The following EZR variants were observed in gnomAD, a reference collection of about 807,000 sequenced individuals.
The protein encoded by EZR is ezrin.
In EZR, 40 loss-of-function variants were observed where a neutral mutation model predicts 74.8. The ratio of observed to expected loss-of-function variants is 0.53; its 90% CI spans 0.42 to 0.70. The LOEUF (loss-of-function observed/expected upper bound fraction) is 0.70. Among genes scored for constraint, EZR ranks in the 30% least tolerant of loss-of-function variants. The pLI is 0.00. For missense variants in EZR, 678 were observed against 755.8 expected, an observed-to-expected ratio of 0.90 and a Z score of 1.21; for synonymous variants, 341 against 283.3, an observed-to-expected ratio of 1.20 and a Z score of -2.05.
chr6:158,803,560 T>C (rs866044663), intron 2 of EZR, among the ~76,000 whole-genome samples: 64 of 4,160 alleles, frequency 0.015, 4 homozygotes, highest in African/African-American at 0.063. Flanking sequence ...TATATATATA[T>C]ATATATATAT....
At chr6:158,773,288 C>T (rs535265180) in intron 8 of EZR, among the ~76,000 whole-genome samples, 4 of 152,282 alleles carry the variant, frequency 2.6e-5, no homozygotes, top group South Asian at 2.1e-4. Context: ...CTGCCAGCAA[C>T]GGGAACCAGA....
chr6:158,804,009 C>T (rs1485937894), intron 2 of EZR, among the ~76,000 whole-genome samples: 1 of 152,138 alleles, frequency 6.6e-6, no homozygotes, highest in Admixed American at 6.5e-5. Flanking sequence ...CAGAAAGGAG[C>T]TGCTTTCCAT....
chr6:158,797,535 A>G (rs549945269), intron 2 of EZR, among the ~76,000 whole-genome samples: 86 of 152,272 alleles, frequency 5.6e-4, no homozygotes, highest in African/African-American at 2.0e-3. Context: ...TAAAATGTCA[A>G]CGCTGTTTTC....
chr6:158,766,759 G>T lies in EZR; in HGVS notation c.*155C>A, dbSNP rs866744065. 2.5e-6 allele frequency: 2 copies of T among 784,690 alleles called. No individual in the cohort carries two copies. The highest frequency in any genetic ancestry group is 4.2e-6 in the Non-Finnish European group (2 of 481,084). The allele number at this position is 784,690 out of a possible 1,614,324, so 48.6% of individuals were successfully genotyped here. A position where few individuals can be genotyped will look rare whatever the true frequency, so the allele number is the denominator to read the frequency against. On this transcript the variant is annotated 3_prime_UTR_variant, in exon 14 of 14. Coordinates refer to ENST00000367075, the MANE Select transcript of EZR (RefSeq NM_001111077.2). Reference sequence around the variant, plus strand: ...GGAAAACAAACCAGGGCGCCTCCCTGGTTCCCAGCCCAGAATGTTTCTGTT... The same window carrying T: ...GGAAAACAAACCAGGGCGCCTCCCTTGTTCCCAGCCCAGAATGTTTCTGTT...
At chr6:158,814,889 A>G (rs920864663) in intron 2 of EZR, among the ~76,000 whole-genome samples, 1 of 152,174 alleles carries the variant, frequency 6.6e-6, no homozygotes, top group Non-Finnish European at 1.5e-5. Context: ...TTAGGAGAAA[A>G]CACAGGAAAT....
intron 1 of EZR, among the ~76,000 whole-genome samples, chr6:158,819,077 C>T (rs1777633124): frequency 6.6e-6 from 1 of 152,072 alleles, no homozygotes; most frequent in South Asian, 2.1e-4. Context: ...GGCGCCCAGG[C>T]ACCCAGGCTC....
At chr6:158,792,700 A>C (rs1051192318) in intron 2 of EZR, among the ~76,000 whole-genome samples, 2 of 151,882 alleles carry the variant, frequency 1.3e-5, no homozygotes, top group African/African-American at 4.8e-5. Context: ...CTGTAGTCAC[A>C]GCTACTCGGG....
intron 2 of EZR, among the ~76,000 whole-genome samples, chr6:158,810,267 T>C (rs559354212): frequency 1.3e-5 from 2 of 152,220 alleles, no homozygotes; most frequent in East Asian, 3.8e-4. Context: ...ACTGTTTGCC[T>C]GTAAGTGTTA....
intron 2 of EZR, among the ~76,000 whole-genome samples, chr6:158,806,292 G>A (rs1032115606): frequency 3.3e-5 from 5 of 152,148 alleles, no homozygotes; most frequent in African/African-American, 1.2e-4. Context: ...TCAACACTCA[G>A]GCACTTCATG....
At chr6:158,772,021 C>A (rs939588460) in intron 8 of EZR, among the ~76,000 whole-genome samples, 1 of 152,200 alleles carries the variant, frequency 6.6e-6, no homozygotes, top group African/African-American at 2.4e-5. Context: ...CTGGGCCCAA[C>A]CCACACAGAG....
chr6:158,769,749 A>G lies in EZR; in HGVS notation c.1251+35T>C, dbSNP rs369204974. The G allele has an allele frequency of 3.4e-5, 55 of 1,611,388 alleles. No homozygotes were observed. The Middle Eastern group carries it at 4.9e-4, about 14-fold the overall frequency. The stretch of plus-strand genomic sequence containing the variant: ...TTCCATCCTCAGAAGCAGCCTCTCT[A>G]TAATTCAGCATCTTGAAACTCAGGC... On this transcript the variant is annotated intron_variant, in intron 11 of 13. Transcript: ENST00000367075.
chr6:158,803,550 T>TAC (rs1271980263), intron 2 of EZR, among the ~76,000 whole-genome samples: 1 of 1,720 alleles, frequency 5.8e-4, no homozygotes, highest in African/African-American at 1.4e-3. Context: ...TATATGTATA[T>TAC]ATATATATAT....
intron 8 of EZR, among the ~76,000 whole-genome samples, chr6:158,773,893 T>C (rs1472867640): frequency 6.6e-6 from 1 of 152,222 alleles, no homozygotes; most frequent in African/African-American, 2.4e-5. Context: ...CCCCTCATAG[T>C]GTCACCTGGG....
At chr6:158,785,749 A>G (rs1791563399) in intron 4 of EZR, among the ~76,000 whole-genome samples, 166 bp from the exon 5 acceptor site, 3 of 152,334 alleles carry the variant, frequency 2.0e-5, no homozygotes, top group Admixed American at 1.3e-4. Context: ...AAGGTTAGTC[A>G]AAAGTGCTAC....
In EZR at chr6:158,771,363, G is replaced by T. The variant is rs1315551952; in HGVS notation, c.840C>A (p.Ile280=). Reference sequence around the variant, plus strand: ...CATGGTTGCCCATGCAGAGCTGCAGGATCCGCTTGTTGATTCTCAGACGTG... The same window carrying T: ...CATGGTTGCCCATGCAGAGCTGCAGTATCCGCTTGTTGATTCTCAGACGTG... The part of the protein sequence containing the change: ...YAPRLRINKR[I]LQLCMGNHEL... Residue 280 remains isoleucine, a synonymous_variant, in exon 9 of 14, where the codon ATC becomes ATA. Coordinates refer to ENST00000367075, the MANE Select transcript of EZR (RefSeq NM_001111077.2). The T allele has an allele frequency of 6.2e-7, 1 of 1,613,540 alleles. No individual in the cohort carries two copies. The highest frequency in any genetic ancestry group is 2.2e-5 in the East Asian group (1 of 44,858).
chr6:158,790,231 T>C (rs1404684707), intron 2 of EZR, among the ~76,000 whole-genome samples: 1 of 152,172 alleles, frequency 6.6e-6, no homozygotes, highest in Non-Finnish European at 1.5e-5. Flanking sequence ...CAAGCAACAC[T>C]CAATGCAAAT....
chr6:158,804,942 T>G (rs1020916517), intron 2 of EZR, among the ~76,000 whole-genome samples: 1 of 114,568 alleles, frequency 8.7e-6, no homozygotes, highest in African/African-American at 3.5e-5. Flanking sequence ...GTCCCCAGAG[T>G]GTGATATTCC....
intron 2 of EZR, among the ~76,000 whole-genome samples, chr6:158,803,654 CAT>C (rs1210698377): frequency 0.01 from 308 of 29,794 alleles, 13 homozygotes; most frequent in African/African-American, 0.013. Context: ...TATATATATA[CAT>C]ATATATATAT....
At chr6:158,807,678 T>C (rs1286645871) in intron 2 of EZR, among the ~76,000 whole-genome samples, 1 of 152,190 alleles carries the variant, frequency 6.6e-6, no homozygotes, top group Non-Finnish European at 1.5e-5. Flanking sequence ...TTCTAGCTCT[T>C]GCCAAAGCCT....
Sources: allele counts gnomAD v4.1 joint callset (sites outside exome capture counted in the v4.1 genomes callset), GRCh38; gene constraint gnomAD v4.1.1; transcripts MANE v1.5; gene names NCBI Gene and HGNC (gene_info 2026-07-23, HGNC 2026-07-21).